The following COPB2 variants were observed in gnomAD, a reference collection of about 807,000 sequenced individuals.
The protein encoded by COPB2 is coatomer subunit beta'.
COPB2 carries 16 observed loss-of-function variants against 120.8 expected under a neutral mutation model. That is an observed-to-expected ratio of 0.13 (90% CI 0.09 to 0.20). The LOEUF is 0.20. Ranked by LOEUF, COPB2 falls within the 10% of genes least tolerant of loss-of-function variation. The probability of loss-of-function intolerance (pLI) is 1.00; values close to 1 mark genes in which losing one functional copy is unlikely to be tolerated. For missense variants in COPB2, 794 were observed against 1,076.5 expected (o/e 0.74, Z 3.67); for synonymous variants, 332 against 366.3 (o/e 0.91, Z 1.07).
intron 17 of COPB2, among the ~76,000 whole-genome samples, chr3:139,359,891 A>G (rs1182607706): frequency 6.6e-6 from 1 of 152,140 alleles, no homozygotes; most frequent in Non-Finnish European, 1.5e-5. Context: ...TATGTATACT[A>G]TGTATTACCT....
intron 5 of COPB2, among the ~76,000 whole-genome samples, chr3:139,376,736 TTTAA>T (rs1057278104): frequency 9.2e-5 from 14 of 152,344 alleles, no homozygotes; most frequent in South Asian, 2.1e-4. Context: ...ATGGAAATAT[TTTAA>T]TTAATTAATT....
chr3:139,384,255 C>T (rs192188409), intron 1 of COPB2, among the ~76,000 whole-genome samples: 57 of 152,246 alleles, frequency 3.7e-4, no homozygotes, highest in African/African-American at 1.2e-3. Flanking sequence ...AAGCATTGGT[C>T]GTTTGGAAAA....
At chr3:139,377,151 T>G (rs899360197) in intron 5 of COPB2, among the ~76,000 whole-genome samples, 1 of 152,222 alleles carries the variant, frequency 6.6e-6, no homozygotes, top group South Asian at 2.1e-4. Flanking sequence ...CTGTTTGCTA[T>G]TGAATGGCTG....
At chr3:139,368,066 A>C in intron 13 of COPB2, 79 bp downstream of exon 13, 1 of 1,446,958 alleles carries the variant, frequency 6.9e-7, no homozygotes, top group South Asian at 1.5e-5. Flanking sequence ...ACGAAATGTT[A>C]AAATCAGTAA....
Position 139,361,239 on chromosome 3 carries a change from G to A in COPB2, c.2052C>T (p.Gly684=), listed in dbSNP as rs1283041210. ...AELAISKCQF[G]LAQECLHHAQ... is the part of the protein sequence containing the mutation. ...CATGATGCAGGCACTCCTGGGCTAG[G>A]CCAAACTGACATTTACTAATGGCAA... is the stretch of plus-strand genomic sequence containing the variant. Residue 684 remains glycine, a synonymous_variant, in exon 17 of 22, where the codon GGC becomes GGT. Coordinates refer to ENST00000333188, the MANE Select transcript of COPB2 (RefSeq NM_004766.3). 6.2e-7 allele frequency: 1 copy of A among 1,614,188 alleles called. No individual in the cohort carries two copies. The highest frequency in any genetic ancestry group is 8.5e-7 in the Non-Finnish European group (1 of 1,180,034).
chr3:139,362,482 A>G lies in COPB2; in HGVS notation c.1920T>C (p.Asp640=), dbSNP rs759073703. ...GAGCAAGCTCAAAACGATGCTCAGGATCTGTGGATACTGTAAGAGCTTGCT... is the reference window on the plus strand; with the variant it reads ...GAGCAAGCTCAAAACGATGCTCAGGGTCTGTGGATACTGTAAGAGCTTGCT... ...FKQQALTVST[D]PEHRFELALQ... is the part of the protein sequence containing the mutation. The change falls in exon 16 of 22, where the codon GAT becomes GAC. Residue 640 remains aspartate (D), a synonymous_variant. Transcript: ENST00000333188. The G allele has an allele frequency of 1.4e-5, 22 of 1,612,604 alleles. No homozygotes were observed. The South Asian group carries it at 2.3e-4, about 17-fold the overall frequency.
At chr3:139,366,041 T>C (rs556783988) in intron 15 of COPB2, among the ~76,000 whole-genome samples, 31 of 152,150 alleles carry the variant, frequency 2.0e-4, no homozygotes, top group Admixed American at 9.2e-4. Context: ...GAAACTGCTA[T>C]ACCTCAAGTT....
intron 9 of COPB2, among the ~76,000 whole-genome samples, chr3:139,372,680 A>G (rs1179876904): frequency 6.6e-6 from 1 of 152,212 alleles, no homozygotes; most frequent in Non-Finnish European, 1.5e-5. Context: ...ACAGGTTTAG[A>G]CTTCACTGTG....
chr3:139,384,431 T>C (rs951928071), intron 1 of COPB2, among the ~76,000 whole-genome samples: 6 of 152,210 alleles, frequency 3.9e-5, no homozygotes, highest in African/African-American at 1.4e-4. Context: ...GAACTTTCAC[T>C]TGAAAGCTTT....
At chr3:139,382,154 C>G (rs902174241) in intron 2 of COPB2, 8 of 152,170 alleles carry the variant, frequency 5.3e-5, no homozygotes, top group African/African-American at 1.9e-4. Flanking sequence ...TGTATCCCCA[C>G]CCAAATCTCA....
At chr3:139,385,848 C>T (rs1291731772) in intron 1 of COPB2, among the ~76,000 whole-genome samples, 1 of 152,146 alleles carries the variant, frequency 6.6e-6, no homozygotes. Flanking sequence ...AGGAGGCATG[C>T]TGAGAAAAGA....
chr3:139,365,764 A>G (rs903613643), intron 15 of COPB2, among the ~76,000 whole-genome samples: 1 of 152,190 alleles, frequency 6.6e-6, no homozygotes, highest in East Asian at 1.9e-4. Flanking sequence ...CAAAGGGGGG[A>G]AAAAGACAAT....
chr3:139,369,011 C>G (rs556185354), intron 12 of COPB2, among the ~76,000 whole-genome samples: 1 of 152,254 alleles, frequency 6.6e-6, no homozygotes, highest in East Asian at 1.9e-4. Flanking sequence ...TTTTTCCTGT[C>G]AAAATGGCAC....
chr3:139,373,134 A>G lies in COPB2; in HGVS notation c.1094+79T>C. On this transcript the variant is annotated intron_variant, in intron 9 of 21. Coordinates refer to ENST00000333188, the MANE Select transcript of COPB2 (RefSeq NM_004766.3). The stretch of plus-strand genomic sequence containing the variant: ...AGGAATGATTAGAGATGCCAACCAC[A>G]GGGCAAGAGTGGACTGTGGATCTGC... 4 of 1,407,756 alleles carry G rather than the reference A, an allele frequency of 2.8e-6. No individual in the cohort carries two copies. The South Asian group carries it at 4.6e-5, about 16-fold the overall frequency. 87.2% of individuals were successfully genotyped at this position (1,407,756 alleles called of 1,614,324 possible). A position where few individuals can be genotyped will look rare whatever the true frequency, so the allele number is the denominator to read the frequency against.
intron 1 of COPB2, among the ~76,000 whole-genome samples, chr3:139,387,044 CAA>C (rs538025993): frequency 4.1e-5 from 5 of 121,286 alleles, no homozygotes; most frequent in Admixed American, 8.5e-5. Flanking sequence ...ACTAAAAATA[CAA>C]AAAAAAAAAA....
At chr3:139,358,540 C>T (rs192335507) in intron 20 of COPB2, 11 of 601,226 alleles carry the variant, frequency 1.8e-5, no homozygotes, top group African/African-American at 5.6e-5. Flanking sequence ...TTAGCCGGAC[C>T]GGTGATGGGC....
At chr3:139,362,574 TTATATA>T (rs57549985) in intron 15 of COPB2, 57 bp from the exon 16 acceptor site, 7 of 778,058 alleles carry the variant, frequency 9.0e-6, no homozygotes, top group Admixed American at 2.6e-5. Flanking sequence ...TATGTATGTT[TTATATA>T]TATATATATA....
chr3:139,361,297 T>A lies in COPB2; in HGVS notation c.1996-2A>T. ...AAGTTGTTTCCACTTCTGTTCTGAC[T>A]GTAAGAAAAGAGTTTCCAAGTTAAA... On this transcript the variant is annotated splice_acceptor_variant, in intron 16 of 21. Transcript: ENST00000333188. LOFTEE classifies it high-confidence loss of function. 1 of 1,611,884 alleles carries A rather than the reference T, an allele frequency of 6.2e-7. No individual in the cohort carries two copies. The highest frequency in any genetic ancestry group is 1.1e-5 in the South Asian group (1 of 90,758).
At chr3:139,373,500 A>T in intron 8 of COPB2, 88 bp from the exon 9 acceptor site, 1 of 1,526,008 alleles carries the variant, frequency 6.6e-7, no homozygotes, top group South Asian at 1.2e-5. Flanking sequence ...CCTAACAGAG[A>T]GCTCCATTTC....
Sources: gnomAD v4.1 joint callset for allele counts (sites outside exome capture counted in the v4.1 genomes callset) on GRCh38, gnomAD v4.1.1 for gene constraint, MANE v1.5 for transcripts, NCBI Gene and HGNC (gene_info 2026-07-23, HGNC 2026-07-21) for gene names.